The following HMGCLL1 variants were observed in gnomAD, a reference collection of about 807,000 sequenced individuals.
HMGCLL1 encodes the protein 3-hydroxy-3-methylglutaryl-CoA lyase like 1, also known as 3-hydroxymethyl-3-methylglutaryl-CoA lyase, cytoplasmic.
A neutral mutation model predicts 39.1 loss-of-function variants in HMGCLL1; 36 were observed. The observed-to-expected ratio is 0.92, with a 90% confidence interval of 0.71 to 1.22. The LOEUF (loss-of-function observed/expected upper bound fraction) is 1.22, where lower values mean the gene tolerates loss of function less well. HMGCLL1 is among the 50% of genes most tolerant of loss of function. The pLI is 0.00. For synonymous variants in HMGCLL1, 149 were observed against 144.0 expected, an observed-to-expected ratio of 1.03 and a Z score of -0.25; for missense variants, 451 against 416.5, an observed-to-expected ratio of 1.08 and a Z score of -0.72.
Position 55,439,533 on chromosome 6 carries a change from T to C in HMGCLL1, c.822A>G (p.Ala274=), listed in dbSNP as rs1763508370. The change falls in exon 8 of 9, where the codon GCA becomes GCG. Residue 274 remains alanine (A), a synonymous_variant. Coordinates refer to ENST00000274901, the MANE Select transcript of HMGCLL1 (RefSeq NM_001042406.2). ...AAGGGCAGCCACCTAATCCGGATACTGCGGAGTCCACCACATTAATTCCCA... is the reference window on the plus strand; with the variant it reads ...AAGGGCAGCCACCTAATCCGGATACCGCGGAGTCCACCACATTAATTCCCA... ...LQMGINVVDS[A]VSGLGGCPYA... 1 of 1,612,858 alleles carries C rather than the reference T, an allele frequency of 6.2e-7. No individual in the cohort carries two copies. Among genetic ancestry groups the C allele is most frequent in the Non-Finnish European group, 8.5e-7 (1 of 1,179,208 alleles).
chr6:55,627,912 TATATATATA>T, the HMGCLL1 span, among the ~76,000 whole-genome samples: 1,546 of 4,878 alleles, frequency 0.32, 364 homozygotes, highest in East Asian at 0.53. Flanking sequence ...ATATATACTA[TATATATATA>T]ATATATATAC....
At chr6:55,510,786 T>TATA (rs1307479250) in intron 5 of HMGCLL1, among the ~76,000 whole-genome samples, 2 of 150,174 alleles carry the variant, frequency 1.3e-5, no homozygotes, top group East Asian at 3.9e-4. Flanking sequence ...AAACTTAAAG[T>TATA]ATAATAATAA....
intron 3 of HMGCLL1, among the ~76,000 whole-genome samples, chr6:55,539,712 G>T (rs577353645): frequency 6.6e-6 from 1 of 151,316 alleles, no homozygotes; most frequent in Non-Finnish European, 1.5e-5. Flanking sequence ...AGAGTTGAGG[G>T]GGGGAGGAGG....
chr6:55,496,436 C>T (rs1357917413), intron 6 of HMGCLL1, among the ~76,000 whole-genome samples: 2 of 152,064 alleles, frequency 1.3e-5, no homozygotes, highest in African/African-American at 4.8e-5. Context: ...ATAGTACATA[C>T]TGAACTATTG....
At chr6:55,531,514 C>G (rs1424574994) in intron 3 of HMGCLL1, among the ~76,000 whole-genome samples, 1 of 151,928 alleles carries the variant, frequency 6.6e-6, no homozygotes, top group East Asian at 1.9e-4. Context: ...TTTTCTCTTT[C>G]TCATGGAAAA....
chr6:55,662,802 C>T, the HMGCLL1 span, among the ~76,000 whole-genome samples: 1 of 151,590 alleles, frequency 6.6e-6, no homozygotes, highest in Non-Finnish European at 1.5e-5. Flanking sequence ...GCTGTGAATC[C>T]ATCTGACCCT....
intron 1 of HMGCLL1, among the ~76,000 whole-genome samples, chr6:55,543,297 T>TA (rs1244358529): frequency 5.7e-5 from 1 of 17,500 alleles, no homozygotes; most frequent in African/African-American, 1.9e-4. Context: ...ATATTATATA[T>TA]CATATATGAT....
intron 7 of HMGCLL1, among the ~76,000 whole-genome samples, chr6:55,478,545 T>C (rs1422259699): frequency 6.6e-6 from 1 of 151,548 alleles, no homozygotes; most frequent in Non-Finnish European, 1.5e-5. Flanking sequence ...ATTAAAAATG[T>C]ATTACGAAAA....
chr6:55,493,291 A>G (rs985225090), intron 7 of HMGCLL1, among the ~76,000 whole-genome samples: 5 of 152,172 alleles, frequency 3.3e-5, no homozygotes, highest in African/African-American at 1.2e-4. Flanking sequence ...ACCATGAGAC[A>G]TGAATATGCT....
At chr6:55,589,200 T>A in the HMGCLL1 span, among the ~76,000 whole-genome samples, 1 of 152,134 alleles carries the variant, frequency 6.6e-6, no homozygotes, top group South Asian at 2.1e-4. Flanking sequence ...CAAAAACTTA[T>A]CCACCATGAT....
At chr6:55,441,882 G>C (rs1441503793) in intron 7 of HMGCLL1, among the ~76,000 whole-genome samples, 1 of 151,840 alleles carries the variant, frequency 6.6e-6, no homozygotes, top group Non-Finnish European at 1.5e-5. Context: ...GTAGAGACAG[G>C]GTTTCACTAT....
chr6:55,437,553 T>C (rs1763421535), intron 8 of HMGCLL1, among the ~76,000 whole-genome samples: 1 of 151,910 alleles, frequency 6.6e-6, no homozygotes, highest in Non-Finnish European at 1.5e-5. Flanking sequence ...AGAAGAGCAG[T>C]CCAAGATATC....
chr6:55,456,994 G>A (rs1206176258), intron 7 of HMGCLL1, among the ~76,000 whole-genome samples: 1 of 152,180 alleles, frequency 6.6e-6, no homozygotes, highest in Non-Finnish European at 1.5e-5. Context: ...TACCTGGTTT[G>A]CCTTACCCTA....
intron 4 of HMGCLL1, 52 bp downstream of exon 4, chr6:55,516,456 T>C (rs1767740633): frequency 9.3e-6 from 11 of 1,186,008 alleles, no homozygotes; most frequent in Admixed American, 1.8e-5. Flanking sequence ...TGTAAATATC[T>C]TTAAAACGAT....
chr6:55,534,473 C>T (rs1768895717), intron 3 of HMGCLL1, among the ~76,000 whole-genome samples: 2 of 152,138 alleles, frequency 1.3e-5, no homozygotes, highest in African/African-American at 4.8e-5. Flanking sequence ...ATTTGCCTAC[C>T]CCTTAAGACA....
chr6:55,665,338 T>G, the HMGCLL1 span, among the ~76,000 whole-genome samples: 2 of 151,726 alleles, frequency 1.3e-5, no homozygotes, highest in East Asian at 1.9e-4. Context: ...TTATCCCAAA[T>G]AAGGGTGTGG....
intron 1 of HMGCLL1, among the ~76,000 whole-genome samples, chr6:55,542,572 G>A (rs968402844): frequency 3.3e-5 from 5 of 151,726 alleles, no homozygotes; most frequent in Non-Finnish European, 7.4e-5. Context: ...GAGGTCAGGA[G>A]TTTGAGATCA....
intron 7 of HMGCLL1, among the ~76,000 whole-genome samples, chr6:55,474,273 A>C (rs1365840535): frequency 1.3e-5 from 2 of 151,542 alleles, no homozygotes; most frequent in East Asian, 3.9e-4. Flanking sequence ...GAGCCTTTTA[A>C]AATCGTGTAA....
At chr6:55,536,139 A>G (rs1769007544) in intron 3 of HMGCLL1, among the ~76,000 whole-genome samples, 1 of 152,136 alleles carries the variant, frequency 6.6e-6, no homozygotes, top group Non-Finnish European at 1.5e-5. Flanking sequence ...TCTTGCTAAC[A>G]TTGTGTTTGG....
Sources: allele counts gnomAD v4.1 joint callset (sites outside exome capture counted in the v4.1 genomes callset), GRCh38; gene constraint gnomAD v4.1.1; transcripts MANE v1.5; gene names NCBI Gene and HGNC (gene_info 2026-07-23, HGNC 2026-07-21).